The following AFAP1 variants were observed in gnomAD, a reference collection of about 807,000 sequenced individuals.
The protein encoded by AFAP1 is actin filament associated protein 1, also known as actin filament-associated protein 1.
AFAP1 carries 75 observed loss-of-function variants against 93.9 expected under a neutral mutation model. The observed-to-expected ratio is 0.80, with a 90% CI of 0.66 to 0.97. The LOEUF is 0.97. Ranked by LOEUF, AFAP1 falls within the 50% of genes least tolerant of loss-of-function variation. The probability of loss-of-function intolerance (pLI) is 0.00; values close to 1 mark genes in which losing one functional copy is unlikely to be tolerated. For missense variants in AFAP1, 1,201 were observed against 1,050.8 expected (o/e 1.14, Z -1.98); for synonymous variants, 517 against 430.7 (o/e 1.20, Z -2.48).
chr4:7,810,402 C>T (rs115661801), intron 8 of AFAP1, among the ~76,000 whole-genome samples: 2,587 of 152,318 alleles, frequency 0.017, 32 homozygotes, highest in Non-Finnish European at 0.026. Flanking sequence ...GTAAGAAAAA[C>T]ATCACTGACG....
rs372540875 is a variant in AFAP1, at chr4:7,778,748, G to A, written c.1897+14C>T. The A allele has an allele frequency of 2.2e-5, 35 of 1,610,186 alleles. No homozygotes were observed. Among genetic ancestry groups the A allele is most frequent in the Non-Finnish European group, 2.7e-5 (32 of 1,176,530 alleles). On this transcript the variant is annotated intron_variant, in intron 14 of 17. Transcript: ENST00000420658. ...CTTGAAGCCGGAATGCAAGACATCC[G>A]ATGGTATACTTACTCGAACCCGTCC...
intron 1 of AFAP1, among the ~76,000 whole-genome samples, chr4:7,900,628 T>C (rs749330945): frequency 5.3e-4 from 80 of 152,090 alleles, no homozygotes; most frequent in Non-Finnish European, 1.0e-3. Flanking sequence ...CCTCTAACAA[T>C]CAACTTAAAT....
At chr4:7,825,771 G>A (rs1436384940) in intron 6 of AFAP1, among the ~76,000 whole-genome samples, 1 of 151,410 alleles carries the variant, frequency 6.6e-6, no homozygotes, top group East Asian at 1.9e-4. Flanking sequence ...CACACTACAG[G>A]AAAAAAAATT....
At chr4:7,886,335 T>C (rs1380021495) in intron 1 of AFAP1, among the ~76,000 whole-genome samples, 1 of 152,242 alleles carries the variant, frequency 6.6e-6, no homozygotes, top group Non-Finnish European at 1.5e-5. Flanking sequence ...TAGTTTAATT[T>C]GCACCTAAAA....
intron 3 of AFAP1, 94 bp downstream of exon 3, chr4:7,868,528 C>A (rs1458913247): frequency 9.2e-7 from 1 of 1,091,204 alleles, no homozygotes. Context: ...GGGCTCCATT[C>A]TTCCACACCG....
At chr4:7,807,117 G>A (rs1358871881) in intron 9 of AFAP1, among the ~76,000 whole-genome samples, 1 of 152,156 alleles carries the variant, frequency 6.6e-6, no homozygotes, top group African/African-American at 2.4e-5. Flanking sequence ...ACGGGTTTGG[G>A]CCAAAGTCTC....
At chr4:7,797,774 G>C (rs1407751603) in intron 10 of AFAP1, among the ~76,000 whole-genome samples, 3 of 152,144 alleles carry the variant, frequency 2.0e-5, no homozygotes, top group Non-Finnish European at 4.4e-5. Flanking sequence ...CTGTGGTTCT[G>C]GTAAGGTGTT....
At chr4:7,934,226 G>A (rs6823771) in intron 1 of AFAP1, among the ~76,000 whole-genome samples, 3,762 of 152,234 alleles carry the variant, frequency 0.025, 149 homozygotes, top group African/African-American at 0.084. Context: ...TTACTGATAA[G>A]CTCTAAGTAC....
At chr4:7,768,822 A>G in intron 17 of AFAP1, 22 bp downstream of exon 17, 3 of 1,546,986 alleles carry the variant, frequency 1.9e-6, no homozygotes, top group Non-Finnish European at 1.8e-6. Flanking sequence ...ACACCCAGAC[A>G]CCCCCGGACA....
chr4:7,850,894 C>T (rs963537281), intron 4 of AFAP1, among the ~76,000 whole-genome samples: 3 of 152,254 alleles, frequency 2.0e-5, no homozygotes, highest in African/African-American at 7.2e-5. Flanking sequence ...TCCTGCGCTT[C>T]ACGGCCAGCT....
intron 1 of AFAP1, among the ~76,000 whole-genome samples, chr4:7,935,614 A>T (rs1021582970): frequency 3.9e-5 from 6 of 152,230 alleles, no homozygotes; most frequent in Admixed American, 3.9e-4. Context: ...ACTAAAGGGA[A>T]CAAGATGGCT....
intron 1 of AFAP1, among the ~76,000 whole-genome samples, chr4:7,883,550 AAAGAG>A (rs1437852741): frequency 6.6e-6 from 1 of 152,178 alleles, no homozygotes; most frequent in Non-Finnish European, 1.5e-5. Context: ...AGCAATAAGA[AAAGAG>A]AAAACAATCA....
At chr4:7,878,125 CA>C (rs1331764676) in intron 1 of AFAP1, among the ~76,000 whole-genome samples, 1 of 152,204 alleles carries the variant, frequency 6.6e-6, no homozygotes, top group African/African-American at 2.4e-5. Context: ...ACTTTTAATA[CA>C]AACATGTCTT....
intron 1 of AFAP1, among the ~76,000 whole-genome samples, chr4:7,934,084 AAAC>A (rs1721249225): frequency 6.6e-6 from 1 of 152,210 alleles, no homozygotes; most frequent in African/African-American, 2.4e-5. Flanking sequence ...ACTCCATCCA[AAAC>A]AACAGATGAT....
chr4:7,853,069 G>A (rs1488468151), intron 4 of AFAP1, among the ~76,000 whole-genome samples: 2 of 152,192 alleles, frequency 1.3e-5, no homozygotes, highest in Admixed American at 6.5e-5. Flanking sequence ...GTATGCATGG[G>A]TGCCAAGGTG....
intron 12 of AFAP1, 117 bp from the exon 13 acceptor site, chr4:7,781,744 C>T: frequency 1.0e-6 from 1 of 996,914 alleles, no homozygotes; most frequent in East Asian, 2.9e-5. Context: ...CACCCCAACA[C>T]TCTCCTGCAC....
At chr4:7,913,290 T>C (rs751825211) in intron 1 of AFAP1, among the ~76,000 whole-genome samples, 2 of 149,846 alleles carry the variant, frequency 1.3e-5, no homozygotes, top group Non-Finnish European at 2.9e-5. Context: ...CTTGGGAGGC[T>C]GAGGTGGGAG....
intron 1 of AFAP1, among the ~76,000 whole-genome samples, chr4:7,932,819 T>C (rs1721153744): frequency 6.6e-6 from 1 of 151,980 alleles, no homozygotes; most frequent in South Asian, 2.1e-4. Flanking sequence ...CAGGAGTTTT[T>C]GACCAGCCTC....
chr4:7,843,237 G>C lies in AFAP1; in HGVS notation c.448C>G (p.Leu150Val), dbSNP rs372896349. The change falls in exon 5 of 18, where the codon CTG becomes GTG. Residue 150 changes from leucine to valine, a missense_variant. Transcript: ENST00000420658. ...QWPSEEASMDLVKDAKICAFL... is the reference protein window; with the variant it reads ...QWPSEEASMDVVKDAKICAFL... ...GCGCAGATTTTGGCGTCCTTGACCA[G>C]GTCCATGGAGGCCTCCTCGGAGGGC... 6.2e-7 allele frequency: 1 copy of C among 1,614,182 alleles called. No homozygotes were observed.
Sources: allele counts gnomAD v4.1 joint callset (sites outside exome capture counted in the v4.1 genomes callset), GRCh38; gene constraint gnomAD v4.1.1; transcripts MANE v1.5; gene names NCBI Gene and HGNC (gene_info 2026-07-23, HGNC 2026-07-21).